Variants in MGAT4C observed in about 807,000 individuals in gnomAD.
MGAT4C encodes the protein MGAT4 family member C.
A neutral mutation model predicts 40.1 loss-of-function variants in MGAT4C; 19 were observed. That is an observed-to-expected ratio of 0.47 (90% CI 0.33 to 0.70). The LOEUF is 0.70. MGAT4C is among the 30% of genes least tolerant of loss of function. The probability of loss-of-function intolerance (pLI) is 0.02; values close to 1 mark genes in which losing one functional copy is unlikely to be tolerated. For missense variants in MGAT4C, 491 were observed against 563.2 expected, an observed-to-expected ratio of 0.87 and a Z score of 1.30; for synonymous variants, 181 against 187.1, an observed-to-expected ratio of 0.97 and a Z score of 0.27.
At chr12:86,316,079 C>CAAAAAAAAAAAAAAAA (rs71076185) in intron 4 of MGAT4C, among the ~76,000 whole-genome samples, 2 of 34,062 alleles carry the variant, frequency 5.9e-5, no homozygotes, top group Non-Finnish European at 1.0e-4. Context: ...ATACAAGCAG[C>CAAAAAAAAAAAAAAAA]AAAAAAAAAA....
At chr12:86,096,024 C>T (rs1223020840) in intron 1 of MGAT4C, among the ~76,000 whole-genome samples, 1 of 151,838 alleles carries the variant, frequency 6.6e-6, no homozygotes, top group Non-Finnish European at 1.5e-5. Flanking sequence ...CACCTATATA[C>T]TTGAATCAAC....
intron 3 of MGAT4C, among the ~76,000 whole-genome samples, chr12:86,358,557 A>G (rs1955372767): frequency 6.6e-6 from 1 of 152,226 alleles, no homozygotes; most frequent in Non-Finnish European, 1.5e-5. Context: ...GTCAAGATCC[A>G]TCAGTGTGCC....
At chr12:86,571,392 G>T (rs1960356222) in intron 2 of MGAT4C, among the ~76,000 whole-genome samples, 2 of 151,892 alleles carry the variant, frequency 1.3e-5, no homozygotes, top group African/African-American at 4.8e-5. Flanking sequence ...TAGGAAGAAA[G>T]AGGTATACAT....
intron 2 of MGAT4C, among the ~76,000 whole-genome samples, chr12:86,668,442 T>C (rs1964169779): frequency 6.6e-6 from 1 of 152,158 alleles, no homozygotes; most frequent in Non-Finnish European, 1.5e-5. Flanking sequence ...GAGCTCTTTG[T>C]TTCTCCCAAG....
chr12:86,815,236 T>C (rs888004921), intron 1 of MGAT4C, among the ~76,000 whole-genome samples: 2 of 151,828 alleles, frequency 1.3e-5, no homozygotes, highest in Admixed American at 1.3e-4. Flanking sequence ...CCAACAAACA[T>C]ATGAAAAAAT....
Position 86,805,552 on chromosome 12 carries a change from C to A in MGAT4C, c.-262+33114G>T, listed in dbSNP as rs368233820. Among the ~76,000 whole-genome samples, 12 of 151,914 alleles carry A rather than the reference C, an allele frequency of 7.9e-5. No individual in the cohort carries two copies. The South Asian group carries it at 2.3e-3, about 29-fold the overall frequency. On this transcript the variant is annotated intron_variant, in intron 1 of 7. Coordinates refer to the MGAT4C transcript ENST00000548651. ...TTGCTGCAAAGGGCATAGTTTTTTT[C>A]TTTTTTATGGCTGCATAGAATTCCA...
intron 1 of MGAT4C, among the ~76,000 whole-genome samples, chr12:86,063,078 T>C (rs1894153179): frequency 6.6e-6 from 1 of 152,066 alleles, no homozygotes; most frequent in Non-Finnish European, 1.5e-5. Flanking sequence ...AATTGTCAAA[T>C]TCACCAAGGT....
chr12:86,038,531 C>G (rs1340459032), intron 2 of MGAT4C, among the ~76,000 whole-genome samples: 1 of 125,116 alleles, frequency 8.0e-6, no homozygotes, highest in African/African-American at 3.2e-5. Flanking sequence ...TTTATTGTTT[C>G]AACCCTTGCT....
intron 2 of MGAT4C, among the ~76,000 whole-genome samples, chr12:86,461,064 C>T (rs1470826705): frequency 6.6e-6 from 1 of 151,830 alleles, no homozygotes; most frequent in Non-Finnish European, 1.5e-5. Flanking sequence ...CATGTTATAA[C>T]TCTCTGAAAA....
At chr12:86,089,219 C>T (rs532271785) in intron 1 of MGAT4C, among the ~76,000 whole-genome samples, 33 of 151,884 alleles carry the variant, frequency 2.2e-4, no homozygotes, top group Non-Finnish European at 4.4e-4. Flanking sequence ...CATGTAAACA[C>T]TTCCTTTTGC....
intron 1 of MGAT4C, among the ~76,000 whole-genome samples, chr12:86,225,020 A>G (rs1360153148): frequency 1.3e-5 from 2 of 152,118 alleles, no homozygotes; most frequent in African/African-American, 4.8e-5. Context: ...TCAAAAAGAT[A>G]AAATTGATAA....
At chr12:86,202,577 T>C (rs58770021) in intron 1 of MGAT4C, among the ~76,000 whole-genome samples, 7,799 of 152,126 alleles carry the variant, frequency 0.051, 670 homozygotes, top group African/African-American at 0.18. Flanking sequence ...TGACAAGTTT[T>C]AAGCCATTGT....
chr12:86,495,071 A>G (rs1298501972), intron 2 of MGAT4C, among the ~76,000 whole-genome samples: 1 of 152,130 alleles, frequency 6.6e-6, no homozygotes, highest in Non-Finnish European at 1.5e-5. Context: ...CTAAGAATAT[A>G]CACTAAAGTT....
intron 1 of MGAT4C, among the ~76,000 whole-genome samples, chr12:86,824,288 GT>G (rs1328582531): frequency 6.6e-6 from 1 of 151,394 alleles, no homozygotes; most frequent in African/African-American, 2.4e-5. Context: ...AAAGGAAGCT[GT>G]AAAGTGATTT....
intron 1 of MGAT4C, among the ~76,000 whole-genome samples, chr12:86,824,555 C>T (rs1435254950): frequency 6.6e-6 from 1 of 151,010 alleles, no homozygotes; most frequent in Non-Finnish European, 1.5e-5. Context: ...AAAGTATTCC[C>T]TGCAGATGAG....
At position 86,174,110 on chromosome 12, in the gene MGAT4C, G is replaced by GAC. The variant is rs1158680870; in HGVS notation, c.-57+82127_-57+82128dup. 2.2e-3 allele frequency among the ~76,000 whole-genome samples: 199 copies of GAC among 92,334 alleles called. 2 individuals carry two copies. Among genetic ancestry groups the GAC allele is most frequent in the African/African-American group, 7.1e-3 (168 of 23,612 alleles). 60.6% of individuals were successfully genotyped at this position (92,334 alleles called of 152,430 possible). A position where few individuals can be genotyped will look rare whatever the true frequency, so the allele number is the denominator to read the frequency against. ...AAAGTAGGTTATTCTTACCAAAAAA[G>GAC]ACACACACACACATACACACACACA... is the stretch of plus-strand genomic sequence containing the variant. On this transcript the variant is annotated intron_variant, in intron 1 of 4. Coordinates refer to ENST00000611864, the MANE Select transcript of MGAT4C (RefSeq NM_001351288.2).
chr12:85,983,413 T>C (rs77516806), intron 4 of MGAT4C, 110 bp downstream of exon 4: 10,351 of 1,034,538 alleles, frequency 0.01, 75 homozygotes, highest in Non-Finnish European at 0.012. Context: ...CCCAAATAAT[T>C]TATTATATTA....
chr12:86,668,240 A>T (rs1358007727), intron 2 of MGAT4C, among the ~76,000 whole-genome samples: 2 of 152,198 alleles, frequency 1.3e-5, no homozygotes, highest in African/African-American at 2.4e-5. Context: ...CTTTAATTCA[A>T]GAAGGAAATC....
At chr12:86,705,214 ATCTC>A (rs869217106) in intron 2 of MGAT4C, among the ~76,000 whole-genome samples, 4 of 119,418 alleles carry the variant, frequency 3.3e-5, no homozygotes, top group South Asian at 2.9e-4. Context: ...TCTGTCTATT[ATCTC>A]TATCTATCTA....
Sources: allele counts gnomAD v4.1 joint callset (sites outside exome capture counted in the v4.1 genomes callset), GRCh38; gene constraint gnomAD v4.1.1; transcripts MANE v1.5; gene names NCBI Gene and HGNC (gene_info 2026-07-23, HGNC 2026-07-21).